MTPN: variants seen among roughly 807,000 people sequenced by gnomAD.
The protein encoded by MTPN is granule cell differentiation protein.
MTPN carries 2 observed loss-of-function variants against 13.5 expected under a neutral mutation model. The observed-to-expected ratio is 0.15, with a 90% CI of 0.06 to 0.47. The LOEUF (loss-of-function observed/expected upper bound fraction) is 0.47, where lower values mean the gene tolerates loss of function less well. Among genes scored for constraint, MTPN ranks in the 20% least tolerant of loss-of-function variants. The pLI, the probability that MTPN is intolerant of heterozygous loss-of-function variation, is 0.97. For synonymous variants in MTPN, 46 were observed against 51.7 expected, an observed-to-expected ratio of 0.89 and a Z score of 0.48; for missense variants, 79 against 137.9, an observed-to-expected ratio of 0.57 and a Z score of 2.14.
chr7:135,974,523 C>CA (rs1331123242), intron 1 of MTPN, among the ~76,000 whole-genome samples: 1 of 151,926 alleles, frequency 6.6e-6, no homozygotes, highest in Admixed American at 6.6e-5. Context: ...AAAACAAAAA[C>CA]AAAAAAACCC....
At chr7:135,939,033 T>A (rs1179041844) in intron 3 of MTPN, among the ~76,000 whole-genome samples, 1 of 152,222 alleles carries the variant, frequency 6.6e-6, no homozygotes, top group Non-Finnish European at 1.5e-5. Context: ...TTTATTGGTA[T>A]ACCTGTTTAC....
intron 1 of MTPN, 105 bp downstream of exon 1, chr7:135,976,924 T>TG: frequency 2.1e-5 from 15 of 724,842 alleles, no homozygotes; most frequent in Middle Eastern, 2.4e-4. Context: ...AGGAAGTCTC[T>TG]CCTCCCGCCC....
Position 135,977,358 on chromosome 7 carries a change from T to G in MTPN, c.-258A>C. ...CGAGGAGAGGCAGGAACCTTTACACTTCCGGTTCACTCCCCGCTAGGACCC... is the reference window on the plus strand; with the variant it reads ...CGAGGAGAGGCAGGAACCTTTACACGTCCGGTTCACTCCCCGCTAGGACCC... On this transcript the variant is annotated 5_prime_UTR_variant, in exon 1 of 4. Coordinates refer to ENST00000393085, the MANE Select transcript of MTPN (RefSeq NM_145808.4). The G allele has an allele frequency of 1.9e-6, 1 of 525,314 alleles. No homozygotes were observed. The highest frequency in any genetic ancestry group is 3.4e-6 in the Non-Finnish European group (1 of 289,956). 32.5% of individuals were successfully genotyped at this position (525,314 alleles called of 1,614,324 possible).
In MTPN at chr7:135,949,107, C is replaced by G. The variant is rs1315002285; in HGVS notation, c.270+1492G>C. 4.6e-5 allele frequency among the ~76,000 whole-genome samples: 7 copies of G among 152,168 alleles called. No individual in the cohort carries two copies. The East Asian group carries it at 1.3e-3, about 29-fold the overall frequency. On this transcript the variant is annotated intron_variant, in intron 3 of 3. Coordinates refer to ENST00000393085, the MANE Select transcript of MTPN (RefSeq NM_145808.4). ...TCTTAAATCCAGGGTCAAGCTGTGCCTCAACTGTACAGTTATATAAATTAA... is the reference window on the plus strand; with the variant it reads ...TCTTAAATCCAGGGTCAAGCTGTGCGTCAACTGTACAGTTATATAAATTAA...
Position 135,977,190 on chromosome 7 carries a change from G to A in MTPN, c.-90C>T. 2 of 1,346,362 alleles carry A rather than the reference G, an allele frequency of 1.5e-6. No homozygotes were observed. Among genetic ancestry groups the A allele is most frequent in the Admixed American group, 1.7e-5 (1 of 59,334 alleles). The allele number at this position is 1,346,362 out of a possible 1,614,324, so 83.4% of individuals were successfully genotyped here. A position where few individuals can be genotyped will look rare whatever the true frequency, so the allele number is the denominator to read the frequency against. On this transcript the variant is annotated 5_prime_UTR_variant, in exon 1 of 4. Coordinates refer to ENST00000393085, the MANE Select transcript of MTPN (RefSeq NM_145808.4). ...ATGCCGCCGGGCGAGAGGGAGGCAG[G>A]GCCGCGCGAAGCCGGAGAGGAGAAG...
chr7:135,941,821 A>G (rs1799214272), intron 3 of MTPN, among the ~76,000 whole-genome samples: 1 of 152,102 alleles, frequency 6.6e-6, no homozygotes, highest in South Asian at 2.1e-4. Flanking sequence ...GGGCTAAAGC[A>G]CAAACGAGCC....
intron 1 of MTPN, among the ~76,000 whole-genome samples, chr7:135,957,710 G>A (rs1051401166): frequency 2.0e-5 from 3 of 152,166 alleles, no homozygotes; most frequent in African/African-American, 7.2e-5. Flanking sequence ...TGGGTCATGG[G>A]AGCGGGATCT....
intron 1 of MTPN, among the ~76,000 whole-genome samples, chr7:135,976,326 C>T (rs1799772309): frequency 6.6e-6 from 1 of 152,178 alleles, no homozygotes; most frequent in African/African-American, 2.4e-5. Flanking sequence ...CAGGTGAAAT[C>T]AGGGAGAAGA....
At chr7:135,971,228 C>G (rs961818504) in intron 1 of MTPN, among the ~76,000 whole-genome samples, 2 of 151,948 alleles carry the variant, frequency 1.3e-5, no homozygotes, top group Admixed American at 1.3e-4. Flanking sequence ...AGTTAGAGAC[C>G]AGGCTTCTAT....
chr7:135,944,658 TAAATA>T (rs564643092), intron 3 of MTPN, among the ~76,000 whole-genome samples: 234 of 151,896 alleles, frequency 1.5e-3, no homozygotes, highest in African/African-American at 5.3e-3. Flanking sequence ...AAAAAATAAA[TAAATA>T]AAATAAAATG....
intron 1 of MTPN, among the ~76,000 whole-genome samples, chr7:135,952,075 G>T (rs374291785): frequency 2.0e-5 from 3 of 152,140 alleles, no homozygotes; most frequent in Admixed American, 6.5e-5. Flanking sequence ...TAGGTATTAA[G>T]AATTTATTTC....
chr7:135,956,381 T>C (rs138299161), intron 1 of MTPN, among the ~76,000 whole-genome samples: 110 of 152,320 alleles, frequency 7.2e-4, no homozygotes, highest in Non-Finnish European at 1.4e-3. Flanking sequence ...TTTCCCAAAT[T>C]CTGGGGATAG....
intron 1 of MTPN, among the ~76,000 whole-genome samples, chr7:135,964,490 T>C (rs937311753): frequency 6.6e-6 from 1 of 152,052 alleles, no homozygotes; most frequent in Non-Finnish European, 1.5e-5. Context: ...GAAGAAAATT[T>C]TGGAACGTTT....
At position 135,966,868 on chromosome 7, in the gene MTPN, A is replaced by G. The variant is rs1799615314; in HGVS notation, c.72+10161T>C. 1.3e-5 allele frequency among the ~76,000 whole-genome samples: 2 copies of G among 152,018 alleles called. 1 individual carries two copies. Among genetic ancestry groups the G allele is most frequent in the South Asian group, 4.1e-4 (2 of 4,834 alleles). On this transcript the variant is annotated intron_variant, in intron 1 of 3. Coordinates refer to ENST00000393085, the MANE Select transcript of MTPN (RefSeq NM_145808.4). Reference sequence around the variant, plus strand: ...AAGATTCATACTATATAAGTAGGGAACTCCTCAAGCACAGGAAGAAGCTTC... The same window carrying G: ...AAGATTCATACTATATAAGTAGGGAGCTCCTCAAGCACAGGAAGAAGCTTC...
Position 135,927,447 on chromosome 7 carries a change from T to G in MTPN, c.*2479A>C, listed in dbSNP as rs1798938055. On this transcript the variant is annotated 3_prime_UTR_variant, in exon 4 of 4. Transcript: ENST00000393085. The stretch of plus-strand genomic sequence containing the variant: ...TATAGTGCATATGAAATGACTGATT[T>G]AATACAAAACTACAGAACATGCAAA... 2.6e-6 allele frequency: 4 copies of G among 1,531,634 alleles called. No homozygotes were observed. The highest frequency in any genetic ancestry group is 3.5e-6 in the Non-Finnish European group (4 of 1,138,324). 94.9% of individuals were successfully genotyped at this position (1,531,634 alleles called of 1,614,324 possible).
chr7:135,958,337 A>G (rs895448478), intron 1 of MTPN, among the ~76,000 whole-genome samples: 3 of 152,206 alleles, frequency 2.0e-5, no homozygotes, highest in Admixed American at 1.3e-4. Flanking sequence ...TAGTTTCTAC[A>G]GTCACTTATA....
intron 3 of MTPN, among the ~76,000 whole-genome samples, chr7:135,937,465 T>C (rs1233975968): frequency 1.3e-5 from 2 of 152,076 alleles, no homozygotes; most frequent in African/African-American, 4.8e-5. Context: ...GTCATCCCTC[T>C]GTGTGTGAGG....
At chr7:135,958,572 G>T (rs1338076924) in intron 1 of MTPN, among the ~76,000 whole-genome samples, 1 of 152,144 alleles carries the variant, frequency 6.6e-6, no homozygotes, top group Non-Finnish European at 1.5e-5. Flanking sequence ...GAACCTTGCT[G>T]ATCAGTCCAT....
At chr7:135,935,363 C>T (rs1414247614) in intron 3 of MTPN, among the ~76,000 whole-genome samples, 2 of 152,012 alleles carry the variant, frequency 1.3e-5, no homozygotes, top group East Asian at 1.9e-4. Flanking sequence ...CTCAGCCTCC[C>T]GAGTAGCTGG....
Sources: allele counts gnomAD v4.1 joint callset (sites outside exome capture counted in the v4.1 genomes callset), GRCh38; gene constraint gnomAD v4.1.1; transcripts MANE v1.5; gene names NCBI Gene and HGNC (gene_info 2026-07-23, HGNC 2026-07-21).